The following DYM variants were observed in gnomAD, a reference collection of about 807,000 sequenced individuals.
The protein encoded by DYM is dymeclin, also known as dyggve-Melchior-Clausen syndrome protein.
A neutral mutation model predicts 93.1 loss-of-function variants in DYM; 78 were observed. The ratio of observed to expected loss-of-function variants is 0.84; its 90% confidence interval spans 0.70 to 1.01. DYM has a LOEUF of 1.01. DYM is among the 50% of genes least tolerant of loss of function. The probability of loss-of-function intolerance (pLI) is 0.00; values close to 1 mark genes in which losing one functional copy is unlikely to be tolerated. For missense variants in DYM, 789 were observed against 845.0 expected, an observed-to-expected ratio of 0.93 and a Z score of 0.82; for synonymous variants, 321 against 319.7, an observed-to-expected ratio of 1.00 and a Z score of -0.04.
At chr18:49,207,246 G>A (rs891611524) in intron 14 of DYM, among the ~76,000 whole-genome samples, 2 of 152,102 alleles carry the variant, frequency 1.3e-5, no homozygotes, top group African/African-American at 2.4e-5. Flanking sequence ...TTAACAATGC[G>A]CCAGGCATGA....
chr18:49,345,344 G>A (rs942871543), intron 6 of DYM, among the ~76,000 whole-genome samples: 4 of 152,050 alleles, frequency 2.6e-5, no homozygotes, highest in Admixed American at 1.3e-4. Context: ...CTGGACAGCC[G>A]TTGTCCAGCT....
Position 49,099,228 on chromosome 18 carries a change from G to A in DYM, c.1912-1713C>T, listed in dbSNP as rs116012452. On this transcript the variant is annotated intron_variant, in intron 16 of 17. Coordinates refer to ENST00000675505, the MANE Select transcript of DYM (RefSeq NM_001353214.3). ...ATTTTTTTTTTCTTTCTAACATGCT[G>A]AAAGCTGATATTTCACTACTGGATT... Among the ~76,000 whole-genome samples, 902 of 152,092 alleles carry A rather than the reference G, an allele frequency of 5.9e-3. 9 individuals carry two copies. Among genetic ancestry groups the A allele is most frequent in the African/African-American group, 0.021 (855 of 41,488 alleles).
At chr18:49,361,884 C>T (rs1020382923) in intron 6 of DYM, among the ~76,000 whole-genome samples, 1 of 152,130 alleles carries the variant, frequency 6.6e-6, no homozygotes, top group East Asian at 1.9e-4. Flanking sequence ...CGCCACCACG[C>T]CCAGCTAGTT....
Position 49,316,175 on chromosome 18 carries a change from G to A in DYM, c.763+15689C>T, listed in dbSNP as rs902492326. Among the ~76,000 whole-genome samples, 19 of 152,134 alleles carry A rather than the reference G, an allele frequency of 1.2e-4. No individual in the cohort carries two copies. The East Asian group carries it at 3.3e-3, about 26-fold the overall frequency. ...CGCATGCCTGTAATCCCAGCTACTC[G>A]GGAGGCTGTGACAGGAGAATCGCTT... On this transcript the variant is annotated intron_variant, in intron 8 of 17. Transcript: ENST00000675505.
At position 49,391,620 on chromosome 18, in the gene DYM, C is replaced by G; in HGVS notation, c.166G>C (p.Ala56Pro). Residue 56 changes from alanine (A) to proline (P), a missense_variant, in exon 3 of 18, where the codon GCA (alanine) becomes CCA (proline). This residue lies in a region of DYM where 450 missense variants were observed against 436.2 expected (regional missense o/e 1.03). Transcript: ENST00000675505. Reference protein sequence around the residue: ...SSSELKLLEEATISVCRSLVE... With the variant: ...SSSELKLLEEPTISVCRSLVE... ...AATGACCTGCAGACTGAAATGGTTG[C>G]TTCCTCCAAGAGTTTCAACTCACTA... The G allele has an allele frequency of 6.2e-7, 1 of 1,613,514 alleles. No homozygotes were observed.
In DYM at chr18:49,222,845, C is replaced by A. The variant is rs865830647; in HGVS notation, c.1461-13130G>T. 5.3e-5 allele frequency among the ~76,000 whole-genome samples: 8 copies of A among 152,168 alleles called. 1 individual carries two copies. The highest frequency in any genetic ancestry group is 1.3e-4 in the Admixed American group (2 of 15,286). The stretch of plus-strand genomic sequence containing the variant: ...CACAAATATGCACATAATATGGTAA[C>A]TAGAAATTTGCCGTTTGGCAATATA... On this transcript the variant is annotated intron_variant, in intron 13 of 17. Transcript: ENST00000675505.
intron 14 of DYM, among the ~76,000 whole-genome samples, chr18:49,177,572 ATGCCT>A (rs1252038073): frequency 6.6e-6 from 1 of 152,118 alleles, no homozygotes; most frequent in Non-Finnish European, 1.5e-5. Context: ...TTACTGGTAA[ATGCCT>A]TTTTTCAACA....
intron 8 of DYM, among the ~76,000 whole-genome samples, chr18:49,298,948 A>G (rs1207280627): frequency 6.6e-6 from 1 of 152,214 alleles, no homozygotes; most frequent in Non-Finnish European, 1.5e-5. Context: ...GATAAATCCT[A>G]TCTCACCCAC....
At chr18:49,197,740 C>T (rs1258676399) in intron 14 of DYM, among the ~76,000 whole-genome samples, 1 of 152,124 alleles carries the variant, frequency 6.6e-6, no homozygotes, top group Admixed American at 6.5e-5. Context: ...AGGATACAAA[C>T]AAATGGGAGA....
At chr18:49,089,701 G>A (rs1055390016) in intron 17 of DYM, among the ~76,000 whole-genome samples, 9 of 152,278 alleles carry the variant, frequency 5.9e-5, no homozygotes, top group Middle Eastern at 3.4e-3. Flanking sequence ...GTGGGATCCG[G>A]AACCTGCATA....
At chr18:49,090,003 A>ATG (rs149330836) in intron 17 of DYM, among the ~76,000 whole-genome samples, 5 of 151,870 alleles carry the variant, frequency 3.3e-5, no homozygotes, top group South Asian at 2.1e-4. Context: ...CATCCTGCAA[A>ATG]TGTGTGTGTG....
rs575610852 is a variant in DYM at position 49,104,359 on chromosome 18, A to C, written c.1912-6844T>G. ...GATATACAATCATGTCATCTGCAAA[A>C]AGGGACAATTTGACTTCCTCTTTTC... On this transcript the variant is annotated intron_variant, in intron 16 of 17. Coordinates refer to ENST00000675505, the MANE Select transcript of DYM (RefSeq NM_001353214.3). Among the ~76,000 whole-genome samples, 105 of 152,216 alleles carry C rather than the reference A, an allele frequency of 6.9e-4. 2 individuals are homozygous for C. The highest frequency in any genetic ancestry group is 2.4e-3 in the African/African-American group (101 of 41,536).
At position 49,099,493 on chromosome 18, in the gene DYM, A is replaced by G. The variant is rs546808938; in HGVS notation, c.1912-1978T>C. The stretch of plus-strand genomic sequence containing the variant: ...AAAAAAATGAGGATGTGCTTGCAAT[A>G]TATGTTCTAGTTCTTTATAAATCAT... On this transcript the variant is annotated intron_variant, in intron 16 of 17. Coordinates refer to ENST00000675505, the MANE Select transcript of DYM (RefSeq NM_001353214.3). Among the ~76,000 whole-genome samples the G allele has an allele frequency of 7.3e-4, 111 of 152,280 alleles. 2 individuals are homozygous for G. Among genetic ancestry groups the G allele is most frequent in the African/African-American group, 2.6e-3 (109 of 41,560 alleles).
At chr18:49,236,875 G>T (rs962203831) in intron 13 of DYM, among the ~76,000 whole-genome samples, 6 of 152,124 alleles carry the variant, frequency 3.9e-5, no homozygotes, top group Admixed American at 2.0e-4. Context: ...GTGAACCAAG[G>T]AATCAGTGGT....
intron 8 of DYM, among the ~76,000 whole-genome samples, chr18:49,292,336 G>GCAGGCAGGCAGGCAGA (rs1568187404): frequency 5.9e-5 from 6 of 101,352 alleles, no homozygotes; most frequent in Admixed American, 3.1e-4. Flanking sequence ...AGGCAGGCAG[G>GCAGGCAGGCAGGCAGA]CAGACAGACA....
At chr18:49,342,130 C>G (rs933629745) in intron 6 of DYM, among the ~76,000 whole-genome samples, 7 of 152,144 alleles carry the variant, frequency 4.6e-5, no homozygotes, top group African/African-American at 1.4e-4. Context: ...GACTCATTTC[C>G]TCGTGGTTGT....
At chr18:49,300,080 T>TATATAAATATATATATAAATATATAA (rs1211659257) in intron 8 of DYM, among the ~76,000 whole-genome samples, 17 of 136,280 alleles carry the variant, frequency 1.2e-4, no homozygotes, top group African/African-American at 4.6e-4. Context: ...AATATATATA[T>TATATAAATATATATATAAATATATAA]ATATAAATAT....
intron 8 of DYM, chr18:49,321,191 C>A (rs2062459798): frequency 2.6e-6 from 1 of 391,666 alleles, no homozygotes. Context: ...CAATTTACAA[C>A]TCAGTCTCAA....
chr18:49,148,236 A>T (rs1282704522), intron 15 of DYM, among the ~76,000 whole-genome samples: 2 of 152,116 alleles, frequency 1.3e-5, no homozygotes, highest in Middle Eastern at 3.2e-3. Flanking sequence ...GGATATACCT[A>T]ATGTTAAATG....
Sources: gnomAD v4.1 joint callset for allele counts (sites outside exome capture counted in the v4.1 genomes callset) on GRCh38, gnomAD v4.1.1 for gene constraint, gnomAD v4.1.1 regional missense constraint, MANE v1.5 for transcripts, NCBI Gene and HGNC (gene_info 2026-07-23, HGNC 2026-07-21) for gene names.